Variants in ERBB4 observed in about 807,000 individuals in gnomAD.
ERBB4 encodes erb-b2 receptor tyrosine kinase 4.
A neutral mutation model predicts 158.0 loss-of-function variants in ERBB4; 42 were observed. That is an observed-to-expected ratio of 0.27 (90% CI 0.21 to 0.34). The LOEUF (loss-of-function observed/expected upper bound fraction) is 0.34. ERBB4 is among the 10% of genes least tolerant of loss of function. The pLI is 1.00. For synonymous variants in ERBB4, 583 were observed against 558.7 expected, an observed-to-expected ratio of 1.04 and a Z score of -0.61; for missense variants, 1,333 against 1,624.1, an observed-to-expected ratio of 0.82 and a Z score of 3.08.
Position 211,673,239 on chromosome 2 carries a change from C to A in ERBB4, c.1641G>T (p.Glu547Asp), listed in dbSNP as rs761145883. 8 of 1,613,436 alleles carry A rather than the reference C, an allele frequency of 5.0e-6. No individual in the cohort carries two copies. ...CACACTCCACACAGATGGAGCCATT[C>A]TCAAACTCCCGAAATTCACTGTGAA... ...NLYDGEFREF[E>D]NGSICVECDP... The change falls in exon 14 of 28, where the codon GAG (glutamate) becomes GAT (aspartate). Residue 547 changes from glutamate to aspartate, a missense_variant. Physicochemically the swap from Glu to Asp is conservative, Grantham distance 45. This residue lies in a region of ERBB4 where 245 missense variants were observed against 247.5 expected (regional missense o/e 0.99). Transcript: ENST00000342788.
intron 5 of ERBB4, among the ~76,000 whole-genome samples, chr2:211,735,177 A>C (rs568879329): frequency 6.6e-6 from 1 of 151,890 alleles, no homozygotes; most frequent in East Asian, 1.9e-4. Context: ...ACTGATGGGA[A>C]GGCATTATTA....
intron 2 of ERBB4, among the ~76,000 whole-genome samples, chr2:212,003,635 A>G (rs988160282): frequency 6.6e-6 from 1 of 152,192 alleles, no homozygotes; most frequent in Non-Finnish European, 1.5e-5. Context: ...ATTCTAAGAA[A>G]TAAAATAATA....
At chr2:212,179,010 T>C (rs1314893550) in intron 1 of ERBB4, among the ~76,000 whole-genome samples, 1 of 151,720 alleles carries the variant, frequency 6.6e-6, no homozygotes, top group African/African-American at 2.4e-5. Flanking sequence ...ACAATTAATA[T>C]ATAAAAGTAA....
chr2:211,700,734 T>C (rs2106029362), intron 12 of ERBB4, among the ~76,000 whole-genome samples: 1 of 152,158 alleles, frequency 6.6e-6, no homozygotes, highest in Admixed American at 6.5e-5. Context: ...CTCACACGTA[T>C]ACACGCACAC....
intron 2 of ERBB4, among the ~76,000 whole-genome samples, chr2:212,015,900 CTCTA>C (rs2076518001): frequency 6.6e-6 from 1 of 152,154 alleles, no homozygotes; most frequent in South Asian, 2.1e-4. Context: ...GCATTCCACA[CTCTA>C]ATGAGAGCAC....
intron 1 of ERBB4, among the ~76,000 whole-genome samples, chr2:212,464,533 T>TAA (rs965700723): frequency 1.3e-5 from 2 of 152,076 alleles, no homozygotes; most frequent in African/African-American, 4.8e-5. Flanking sequence ...TGAGAACCAA[T>TAA]AAAGAATTTA....
chr2:211,468,698 G>T (rs4302167), intron 20 of ERBB4, among the ~76,000 whole-genome samples: 113,604 of 151,804 alleles, frequency 0.75, 42,952 homozygotes, highest in South Asian at 0.85. Context: ...GAGGACAGAT[G>T]TATAAACAGG....
intron 2 of ERBB4, among the ~76,000 whole-genome samples, chr2:212,062,452 T>C (rs750418133): frequency 8.8e-5 from 11 of 125,358 alleles, no homozygotes; most frequent in Non-Finnish European, 1.8e-4. Flanking sequence ...GGAGTCTCAC[T>C]CTGTTGCCAG....
intron 2 of ERBB4, among the ~76,000 whole-genome samples, chr2:212,044,127 A>C (rs1309168620): frequency 6.6e-6 from 1 of 152,130 alleles, no homozygotes; most frequent in East Asian, 1.9e-4. Flanking sequence ...ATTAGTGTCC[A>C]ACTTAGTACT....
chr2:212,232,356 C>T (rs2105986023), intron 1 of ERBB4, among the ~76,000 whole-genome samples: 1 of 152,224 alleles, frequency 6.6e-6, no homozygotes, highest in South Asian at 2.1e-4. Context: ...AACAATAAAT[C>T]TACTTAAGTA....
intron 1 of ERBB4, among the ~76,000 whole-genome samples, chr2:212,378,604 C>T (rs569756351): frequency 4.6e-5 from 7 of 151,482 alleles, no homozygotes; most frequent in Non-Finnish European, 8.9e-5. Flanking sequence ...TTTTTTTTTC[C>T]CCTTCCCTGG....
At chr2:212,100,891 G>A (rs2079063463) in intron 2 of ERBB4, among the ~76,000 whole-genome samples, 1 of 152,156 alleles carries the variant, frequency 6.6e-6, no homozygotes, top group African/African-American at 2.4e-5. Flanking sequence ...CTATTCTCAA[G>A]AGATTCTGGT....
At chr2:212,332,628 G>A (rs759117952) in intron 1 of ERBB4, among the ~76,000 whole-genome samples, 4 of 151,774 alleles carry the variant, frequency 2.6e-5, no homozygotes, top group Non-Finnish European at 4.4e-5. Context: ...CTTTCCAAGC[G>A]TTCTGGCATT....
intron 1 of ERBB4, among the ~76,000 whole-genome samples, chr2:212,392,915 T>G (rs1340340285): frequency 6.6e-6 from 1 of 152,060 alleles, no homozygotes; most frequent in Non-Finnish European, 1.5e-5. Context: ...TATCATTTTC[T>G]GCTTGTGCCA....
At chr2:212,198,368 C>T (rs971531484) in intron 1 of ERBB4, among the ~76,000 whole-genome samples, 2 of 152,110 alleles carry the variant, frequency 1.3e-5, no homozygotes, top group African/African-American at 2.4e-5. Flanking sequence ...AATAACTTCC[C>T]ATTCTCATTC....
intron 1 of ERBB4, among the ~76,000 whole-genome samples, chr2:212,188,046 A>C (rs1456273586): frequency 1.3e-5 from 2 of 152,050 alleles, no homozygotes; most frequent in Non-Finnish European, 2.9e-5. Context: ...TGAATTTAGC[A>C]CTTCTTCTCC....
At chr2:211,718,158 C>A (rs1039974888) in intron 7 of ERBB4, among the ~76,000 whole-genome samples, 1 of 152,088 alleles carries the variant, frequency 6.6e-6, no homozygotes, top group African/African-American at 2.4e-5. Flanking sequence ...GTGATCTGTC[C>A]ACCTCAGCCT....
At chr2:211,517,093 C>A (rs963236997) in intron 20 of ERBB4, among the ~76,000 whole-genome samples, 1 of 152,072 alleles carries the variant, frequency 6.6e-6, no homozygotes, top group Non-Finnish European at 1.5e-5. Context: ...CCCATATACA[C>A]TTTTGTTGAT....
intron 1 of ERBB4, among the ~76,000 whole-genome samples, chr2:212,341,624 T>G (rs2088717706): frequency 6.6e-6 from 1 of 152,218 alleles, no homozygotes; most frequent in Non-Finnish European, 1.5e-5. Flanking sequence ...TGTCTTTGAC[T>G]AAATGACATA....
Sources: allele counts gnomAD v4.1 joint callset (sites outside exome capture counted in the v4.1 genomes callset), GRCh38; gene constraint gnomAD v4.1.1; regional missense constraint gnomAD v4.1.1; transcripts MANE v1.5; gene names NCBI Gene and HGNC (gene_info 2026-07-23, HGNC 2026-07-21).